Variants in RP1 observed in about 807,000 individuals in gnomAD.
RP1 encodes the protein oxygen-regulated protein 1.
Under a neutral mutation model 14.8 loss-of-function variants are expected in RP1, and 16 were observed. The observed-to-expected ratio is 1.08, with a 90% confidence interval of 0.73 to 1.65. The LOEUF is 1.65. Among genes scored for constraint, RP1 ranks in the 40% most tolerant of loss-of-function variants. RP1 has a pLI of 0.00. For missense variants in RP1, 2,631 were observed against 2,535.0 expected (o/e 1.04, Z -0.81); for synonymous variants, 876 against 883.6 (o/e 0.99, Z 0.15).
intron 6 of RP1, among the ~76,000 whole-genome samples, chr8:54,660,544 G>T (rs180855646): frequency 4.6e-5 from 7 of 152,248 alleles, no homozygotes; most frequent in Admixed American, 2.6e-4. Context: ...CATGCTGTAT[G>T]TGCTGGGGGT....
chr8:54,766,194 G>T (rs1170776150), intron 22 of RP1, among the ~76,000 whole-genome samples: 2 of 151,940 alleles, frequency 1.3e-5, no homozygotes, highest in South Asian at 4.2e-4. Flanking sequence ...GTCTACAAAT[G>T]GTTTTATTTT....
At chr8:54,716,713 T>C (rs1357857833) in intron 15 of RP1, among the ~76,000 whole-genome samples, 1 of 152,164 alleles carries the variant, frequency 6.6e-6, no homozygotes, top group African/African-American at 2.4e-5. Context: ...GGATAACTTC[T>C]AGATCTCCTG....
chr8:54,655,690 T>A (rs1389239515), intron 5 of RP1, among the ~76,000 whole-genome samples: 1 of 152,158 alleles, frequency 6.6e-6, no homozygotes, highest in Admixed American at 6.5e-5. Context: ...AATTGCCATG[T>A]TTGACATAAA....
chr8:54,716,610 T>C (rs1395804868), intron 15 of RP1, among the ~76,000 whole-genome samples: 1 of 152,192 alleles, frequency 6.6e-6, no homozygotes, highest in East Asian at 1.9e-4. Context: ...CCTCTGGTCT[T>C]AATGGTCCTA....
At chr8:54,767,361 CTTTTT>C (rs951988214) in intron 22 of RP1, among the ~76,000 whole-genome samples, 1 of 138,536 alleles carries the variant, frequency 7.2e-6, no homozygotes, top group Non-Finnish European at 1.6e-5. Context: ...AGTCTGTATT[CTTTTT>C]TTTTTTTTTT....
chr8:54,617,724 A>T (rs1805755353), intron 1 of RP1, among the ~76,000 whole-genome samples: 1 of 152,080 alleles, frequency 6.6e-6, no homozygotes. Context: ...TTCTCTTGGT[A>T]CCCCAACTCT....
intron 27 of RP1, among the ~76,000 whole-genome samples, chr8:54,865,007 CT>C (rs565099474): frequency 1.7e-3 from 251 of 152,038 alleles, no homozygotes; most frequent in Middle Eastern, 0.01. Flanking sequence ...TTATTTATGG[CT>C]TTTTTTGCTG....
rs766301554 is a variant in RP1, at chr8:54,621,270, G to A, written c.304G>A (p.Glu102Lys). ...ITRLEELEDG[E>K]SYLCSHGRKV... ...GCGCCTGGAGGAGCTGGAGGACGGC[G>A]AGTCCTACCTATGTTCCCACGGCAG... The change falls in exon 2 of 4, where the codon GAG (glutamate) becomes AAG (lysine). Residue 102 changes from glutamate (E) to lysine (K), a missense_variant. Transcript: ENST00000220676. 7.4e-6 allele frequency: 12 copies of A among 1,613,946 alleles called. No individual in the cohort carries two copies. Among genetic ancestry groups the A allele is most frequent in the East Asian group, 2.2e-5 (1 of 44,872 alleles).
At chr8:54,656,054 T>A (rs1217277153) in intron 5 of RP1, 2 of 1,460,160 alleles carry the variant, frequency 1.4e-6, no homozygotes, top group East Asian at 5.2e-5. Context: ...ATTCCTACAT[T>A]TTTAAAAGTA....
chr8:54,603,332 A>G (rs1397909014), intron 1 of RP1, among the ~76,000 whole-genome samples: 1 of 151,956 alleles, frequency 6.6e-6, no homozygotes, highest in Non-Finnish European at 1.5e-5. Context: ...AGGTTTGTCA[A>G]AGATCAGATG....
chr8:54,794,657 T>C lies in RP1; in HGVS notation c.3615+10947T>C, dbSNP rs534300465. ...ACCATAGGCAAAACCCACTTTTCCC[T>C]ATGTTTTGGCAATGATGTTTTTGGC... On this transcript the variant is annotated intron_variant, in intron 24 of 28. Transcript: ENST00000637698. Among the ~76,000 whole-genome samples, 4 of 152,128 alleles carry C rather than the reference T, an allele frequency of 2.6e-5. No homozygotes were observed. In the East Asian group the frequency reaches 7.7e-4, roughly 29 times the overall value.
chr8:54,737,988 TA>T (rs988322617), intron 18 of RP1, among the ~76,000 whole-genome samples: 2 of 152,002 alleles, frequency 1.3e-5, no homozygotes, highest in African/African-American at 4.8e-5. Flanking sequence ...ATATTACATT[TA>T]AAAAAAATCC....
Position 54,817,032 on chromosome 8 carries a change from C to T in RP1, c.3616-20418C>T, listed in dbSNP as rs117081146. 1.5e-3 allele frequency among the ~76,000 whole-genome samples: 223 copies of T among 152,142 alleles called. 4 individuals carry two copies. In the East Asian group the frequency reaches 0.033, roughly 23 times the overall value. ...AATATTACTTTCTTGGAGAGCCTTT[C>T]GCTGGCCACCCTATCTAGAATGACC... On this transcript the variant is annotated intron_variant, in intron 24 of 28. Coordinates refer to the RP1 transcript ENST00000637698.
intron 19 of RP1, among the ~76,000 whole-genome samples, chr8:54,740,767 G>T (rs1337399992): frequency 6.6e-6 from 1 of 151,850 alleles, no homozygotes; most frequent in Non-Finnish European, 1.5e-5. Flanking sequence ...TTATGGGCCG[G>T]GTGCGGTGGA....
chr8:54,648,958 T>C, intron 3 of RP1: 1 of 1,466,634 alleles, frequency 6.8e-7, no homozygotes, highest in Admixed American at 2.6e-5. Context: ...GTTGCCATAA[T>C]GCTGTATGTT....
In RP1 at chr8:54,812,399, C is replaced by T. The variant is rs186104831; in HGVS notation, c.3616-25051C>T. ...CAAATTCTCCACCCACCTCAGTCTC[C>T]TAAAGTGCTGGGATTACAGGCGTGA... On this transcript the variant is annotated intron_variant, in intron 24 of 28. Transcript: ENST00000637698. Among the ~76,000 whole-genome samples the T allele has an allele frequency of 2.6e-5, 4 of 152,298 alleles. No individual in the cohort carries two copies. In the East Asian group the frequency reaches 7.7e-4, roughly 29 times the overall value.
chr8:54,760,936 G>A (rs1478456830), intron 22 of RP1, among the ~76,000 whole-genome samples: 1 of 152,140 alleles, frequency 6.6e-6, no homozygotes, highest in Non-Finnish European at 1.5e-5. Flanking sequence ...CATCTGATGA[G>A]TAACACATAG....
rs148461554 is a variant in RP1 at position 54,667,558 on chromosome 8, T to C, written c.1323+3708T>C. On this transcript the variant is annotated intron_variant, in intron 7 of 22. Transcript: ENST00000636932. ...TTTTGAAGCTGGAGAAGCTCCTGAC[T>C]GTGCAGTGCTATTTCTGGGATGTGG... is the stretch of plus-strand genomic sequence containing the variant. Among the ~76,000 whole-genome samples the C allele has an allele frequency of 3.2e-3, 491 of 152,280 alleles. 1 individual carries two copies. Among genetic ancestry groups the C allele is most frequent in the African/African-American group, 0.011 (467 of 41,556 alleles).
At chr8:54,706,493 G>T in exon 15 of RP1, 1 of 1,535,888 alleles carries the variant, frequency 6.5e-7, no homozygotes, top group Non-Finnish European at 8.7e-7. Flanking sequence ...GCCTGTGTCA[G>T]GCCCTGTGTC....
Sources: allele counts gnomAD v4.1 joint callset (sites outside exome capture counted in the v4.1 genomes callset), GRCh38; gene constraint gnomAD v4.1.1; transcripts MANE v1.5; gene names NCBI Gene and HGNC (gene_info 2026-07-23, HGNC 2026-07-21).